TENM3: variants seen among roughly 807,000 people sequenced by gnomAD.
TENM3 encodes the protein teneurin-3.
TENM3 carries 63 observed loss-of-function variants against 255.1 expected under a neutral mutation model. The ratio of observed to expected loss-of-function variants is 0.25; its 90% CI spans 0.20 to 0.30. The LOEUF (loss-of-function observed/expected upper bound fraction) is 0.30. Ranked by LOEUF, TENM3 falls within the 10% of genes least tolerant of loss-of-function variation. The pLI is 1.00. For synonymous variants in TENM3, 1,306 were observed against 1,322.3 expected (o/e 0.99, Z 0.27); for missense variants, 2,929 against 3,461.1 (o/e 0.85, Z 3.86).
At chr4:181,998,091 G>A in the TENM3 span, among the ~76,000 whole-genome samples, 8 of 152,148 alleles carry the variant, frequency 5.3e-5, no homozygotes, top group East Asian at 1.9e-4. Context: ...GCTTTTAATC[G>A]CTGGTGACTT....
chr4:182,800,056 C>A lies in TENM3; in HGVS notation c.7805C>A (p.Ala2602Glu), dbSNP rs371499646. The change falls in exon 28 of 28, where the codon GCG becomes GAG. Residue 2602 changes from alanine to glutamate, a missense_variant. This residue lies in a region of TENM3 where 476 missense variants were observed against 480.1 expected (regional missense o/e 0.99). Transcript: ENST00000511685. ...GCGGACGTGGAGATGCAGTTCGGCGCGCTGGCGCTGCACGTGCGCTACGGC... is the reference window on the plus strand; with the variant it reads ...GCGGACGTGGAGATGCAGTTCGGCGAGCTGGCGCTGCACGTGCGCTACGGC... ...RFADVEMQFGALALHVRYGMT... is the reference protein window; with the variant it reads ...RFADVEMQFGELALHVRYGMT... The A allele has an allele frequency of 2.5e-6, 4 of 1,602,572 alleles. No homozygotes were observed. The highest frequency in any genetic ancestry group is 3.4e-6 in the Non-Finnish European group (4 of 1,175,524).
intron 1 of TENM3, among the ~76,000 whole-genome samples, chr4:182,199,720 C>CTTTTTTTTTTTT (rs367906246): frequency 4.8e-5 from 5 of 104,854 alleles, no homozygotes; most frequent in African/African-American, 1.9e-4. Flanking sequence ...AACATCATTG[C>CTTTTTTTTTTTT]TTTTTTTTTT....
At chr4:182,127,235 G>T in the TENM3 span, among the ~76,000 whole-genome samples, 1 of 152,170 alleles carries the variant, frequency 6.6e-6, no homozygotes, top group Non-Finnish European at 1.5e-5. Context: ...ACATCTAATG[G>T]ATAAATTTAA....
rs190314930 is a variant in TENM3, at chr4:182,504,310, T to C, written c.512-96614T>C. Among the ~76,000 whole-genome samples the C allele has an allele frequency of 2.4e-3, 366 of 152,252 alleles. 3 individuals carry two copies. The highest frequency in any genetic ancestry group is 1.4e-3 in the Non-Finnish European group (93 of 68,016). On this transcript the variant is annotated intron_variant, in intron 3 of 27. Transcript: ENST00000511685. ...GTGCAGAGAGAGACGTAAATGCTTT[T>C]TATCAAATTAGCCATTCTTAACTAC...
chr4:182,109,110 G>T, the TENM3 span, among the ~76,000 whole-genome samples: 2 of 149,788 alleles, frequency 1.3e-5, no homozygotes, highest in South Asian at 4.2e-4. Flanking sequence ...GGCTAAAAAA[G>T]AATTTCATAT....
intron 1 of TENM3, among the ~76,000 whole-genome samples, chr4:182,213,030 T>G (rs190833284): frequency 1.5e-4 from 23 of 152,338 alleles, no homozygotes; most frequent in African/African-American, 5.5e-4. Context: ...CACTCTAGCA[T>G]TCCACTGGAG....
At chr4:182,045,351 C>T in the TENM3 span, among the ~76,000 whole-genome samples, 1 of 147,992 alleles carries the variant, frequency 6.8e-6, no homozygotes, top group South Asian at 2.1e-4. Context: ...TTAGTAGAAG[C>T]GAATTTCTAA....
chr4:182,280,392 C>A (rs1288498325), intron 1 of TENM3, among the ~76,000 whole-genome samples: 2 of 152,154 alleles, frequency 1.3e-5, no homozygotes, highest in African/African-American at 2.4e-5. Flanking sequence ...CCATCATAGT[C>A]ACTGGAAGTT....
intron 1 of TENM3, among the ~76,000 whole-genome samples, chr4:182,276,003 A>G (rs1044935444): frequency 2.6e-5 from 4 of 152,166 alleles, no homozygotes; most frequent in Non-Finnish European, 5.9e-5. Flanking sequence ...TGTTAGAGGA[A>G]TAAGGGAGCT....
chr4:181,710,304 T>A, the TENM3 span, among the ~76,000 whole-genome samples: 2 of 152,076 alleles, frequency 1.3e-5, no homozygotes, highest in Admixed American at 1.3e-4. Context: ...GGAAGTCAGG[T>A]TGCATTTCAA....
chr4:182,621,624 TAAAATA>T (rs1206824098), intron 4 of TENM3, among the ~76,000 whole-genome samples: 39,511 of 101,730 alleles, frequency 0.39, 8,715 homozygotes, highest in Middle Eastern at 0.46. Context: ...AATATATATA[TAAAATA>T]TATAATATAT....
intron 3 of TENM3, among the ~76,000 whole-genome samples, chr4:182,556,505 G>A (rs1742601994): frequency 6.6e-6 from 1 of 152,174 alleles, no homozygotes; most frequent in Non-Finnish European, 1.5e-5. Context: ...AATTCATAAA[G>A]AGGAATTGTC....
upstream of TENM3, among the ~76,000 whole-genome samples, chr4:182,242,662 G>A (rs376505453): frequency 2.4e-4 from 36 of 152,340 alleles, no homozygotes; most frequent in East Asian, 3.3e-3. Flanking sequence ...CTGGGAGACT[G>A]AGGTGGGAGA....
At chr4:182,775,733 G>T (rs1470870473) in intron 24 of TENM3, among the ~76,000 whole-genome samples, 3 of 152,190 alleles carry the variant, frequency 2.0e-5, no homozygotes, top group East Asian at 1.9e-4. Flanking sequence ...AGACATGGAT[G>T]ACAGCTGTGC....
intron 16 of TENM3, among the ~76,000 whole-genome samples, chr4:182,736,297 G>A (rs1761156648): frequency 6.6e-6 from 1 of 152,200 alleles, no homozygotes; most frequent in South Asian, 2.1e-4. Context: ...CCCTAAATGA[G>A]CCAGCTGGCA....
chr4:181,696,341 T>C, the TENM3 span, among the ~76,000 whole-genome samples: 3 of 152,076 alleles, frequency 2.0e-5, no homozygotes, highest in Admixed American at 2.0e-4. Flanking sequence ...CCCTCATCAA[T>C]ACTTCCTTTA....
chr4:181,462,858 A>G, the TENM3 span, among the ~76,000 whole-genome samples: 3 of 152,178 alleles, frequency 2.0e-5, no homozygotes, highest in African/African-American at 4.8e-5. Context: ...GCATCACTAC[A>G]TAATGTGTTC....
the TENM3 span, among the ~76,000 whole-genome samples, chr4:181,795,945 A>G: frequency 2.0e-5 from 3 of 152,222 alleles, 1 homozygote; most frequent in Admixed American, 6.5e-5. Context: ...AGAGAGACTC[A>G]GTAGGGAGTC....
intron 3 of TENM3, among the ~76,000 whole-genome samples, chr4:182,451,138 T>C (rs1773422219): frequency 6.6e-6 from 1 of 152,234 alleles, no homozygotes; most frequent in African/African-American, 2.4e-5. Context: ...AATGATATTC[T>C]TGTTATTATG....
Sources: allele counts gnomAD v4.1 joint callset (sites outside exome capture counted in the v4.1 genomes callset), GRCh38; gene constraint gnomAD v4.1.1; regional missense constraint gnomAD v4.1.1; transcripts MANE v1.5; gene names NCBI Gene and HGNC (gene_info 2026-07-23, HGNC 2026-07-21).